Variants in HMX1 observed in about 807,000 individuals in gnomAD.
HMX1 encodes the protein homeobox protein HMX1.
Under a neutral mutation model 8.9 loss-of-function variants are expected in HMX1, and 8 were observed. That is an observed-to-expected ratio of 0.90 (90% CI 0.53 to 1.63). The LOEUF (loss-of-function observed/expected upper bound fraction) is 1.63. HMX1 is among the 40% of genes most tolerant of loss of function. The pLI is 0.00. For missense variants in HMX1, 621 were observed against 558.5 expected (o/e 1.11, Z -1.13); for synonymous variants, 311 against 283.4 (o/e 1.10, Z -0.98).
chr4:8,866,932 GC>G (rs1348399271), downstream of HMX1: 4 of 320,510 alleles, frequency 1.2e-5, no homozygotes, highest in African/African-American at 9.0e-5. Flanking sequence ...CCTGCACCTG[GC>G]CCAGCCCTGG....
At position 8,867,049 on chromosome 4, in the gene HMX1, C is replaced by T. The variant is rs1156802509; in HGVS notation, c.*644G>A. 3.0e-6 allele frequency: 3 copies of T among 983,774 alleles called. No homozygotes were observed. The highest frequency in any genetic ancestry group is 1.7e-5 in the African/African-American group (1 of 57,196). 60.9% of individuals were successfully genotyped at this position (983,774 alleles called of 1,614,324 possible). The stretch of plus-strand genomic sequence containing the variant: ...CGTGATCACAAAGCAGTGAAACTGT[C>T]CAGAAAATGTCCCTTTTTATTCCAT... On this transcript the variant is annotated 3_prime_UTR_variant, in exon 2 of 2. Transcript: ENST00000400677.
intron 1 of HMX1, among the ~76,000 whole-genome samples, chr4:8,852,811 G>A (rs1721495004): frequency 6.6e-6 from 1 of 152,214 alleles, no homozygotes; most frequent in African/African-American, 2.4e-5. Context: ...GGTAGCCAGA[G>A]AAACGAAAGC....
At chr4:8,863,034 C>T (rs368970644), downstream of HMX1, among the ~76,000 whole-genome samples, 3 of 122,478 alleles carry the variant, frequency 2.4e-5, no homozygotes, top group Non-Finnish European at 5.0e-5. Flanking sequence ...GGAGGCCCAG[C>T]GAACGAATTT....
rs1722043537 is a variant in HMX1 at position 8,867,543 on chromosome 4, G to C, written c.*150C>G. Reference sequence around the variant, plus strand: ...GCGCTCCCCACAGAAGCTGAGGCCCGCCCGGCCGCGGCCTGCGCTCCCGAG... The same window carrying C: ...GCGCTCCCCACAGAAGCTGAGGCCCCCCCGGCCGCGGCCTGCGCTCCCGAG... On this transcript the variant is annotated 3_prime_UTR_variant, in exon 2 of 2. Coordinates refer to ENST00000400677, the MANE Select transcript of HMX1 (RefSeq NM_018942.3). 3 of 1,184,690 alleles carry C rather than the reference G, an allele frequency of 2.5e-6. No homozygotes were observed. The highest frequency in any genetic ancestry group is 3.1e-6 in the Non-Finnish European group (3 of 958,078). The allele number at this position is 1,184,690 out of a possible 1,614,324, so 73.4% of individuals were successfully genotyped here.
chr4:8,865,036 G>A (rs10046932), downstream of HMX1, among the ~76,000 whole-genome samples: 5 of 152,276 alleles, frequency 3.3e-5, no homozygotes, highest in East Asian at 3.9e-4. Context: ...CAGAGTGGAC[G>A]ATCTAAAACT....
chr4:8,862,224 G>C (rs1312006161), downstream of HMX1, among the ~76,000 whole-genome samples: 1 of 152,246 alleles, frequency 6.6e-6, no homozygotes, highest in East Asian at 1.9e-4. Context: ...GAACATTCTA[G>C]CTAAGTAGAA....
chr4:8,861,527 C>T (rs1432774993), intron 1 of HMX1, among the ~76,000 whole-genome samples: 2 of 152,170 alleles, frequency 1.3e-5, no homozygotes, highest in African/African-American at 2.4e-5. Context: ...CGCGCGGGAT[C>T]CTCGTGCGCC....
chr4:8,864,071 G>A (rs1003669581), downstream of HMX1, among the ~76,000 whole-genome samples: 1 of 152,236 alleles, frequency 6.6e-6, no homozygotes, highest in Non-Finnish European at 1.5e-5. Flanking sequence ...TATAGTCCCA[G>A]AGCACTGAGA....
Position 8,849,632 on chromosome 4 carries a change from C to T in HMX1, c.395-3308G>A, listed in dbSNP as rs1169220281. ...GCCCCAGGACACTCACGGAGACACA[C>T]GCAGGGCAGCTCTCCTGGGGTCCCC... On this transcript the variant is annotated intron_variant, in intron 1 of 1. Transcript: ENST00000506970. The surrounding 1 kb of genome is among the most constrained non-coding windows in gnomAD (Gnocchi z 6.6). Among the ~76,000 whole-genome samples, 16 of 152,134 alleles carry T rather than the reference C, an allele frequency of 1.1e-4. No individual in the cohort carries two copies. Among genetic ancestry groups the T allele is most frequent in the Admixed American group, 8.5e-4 (13 of 15,286 alleles).
chr4:8,846,885 A>T lies in HMX1; in HGVS notation c.395-561T>A, dbSNP rs548558676. On this transcript the variant is annotated intron_variant, in intron 1 of 1. Coordinates refer to the HMX1 transcript ENST00000506970. The stretch of plus-strand genomic sequence containing the variant: ...CTGAAAATAATTGGCCCTTCCCCTG[A>T]TCTCCAGCATGTTGTTGTTTTAGTG... Among the ~76,000 whole-genome samples the T allele has an allele frequency of 2.6e-5, 4 of 152,236 alleles. No individual in the cohort carries two copies. The South Asian group carries it at 8.3e-4, about 32-fold the overall frequency.
rs953992603 is a variant in HMX1, at chr4:8,871,153, C to T, written c.394+68G>A. ...ACGGGCGGCGACGAGCCCGAAGTCC[C>T]CCAGCAAATGCGCAGGGAGGAAGTC... On this transcript the variant is annotated intron_variant, in intron 1 of 1. Coordinates refer to ENST00000400677, the MANE Select transcript of HMX1 (RefSeq NM_018942.3). This position sits in a 1 kb window ranked among gnomAD's most constrained non-coding sequence, Gnocchi z 4.8. 4 of 1,302,346 alleles carry T rather than the reference C, an allele frequency of 3.1e-6. No homozygotes were observed. In the African/African-American group the frequency reaches 6.4e-5, roughly 21 times the overall value. 80.7% of individuals were successfully genotyped at this position (1,302,346 alleles called of 1,614,324 possible).
At position 8,867,572 on chromosome 4, in the gene HMX1, T is replaced by C. The variant is rs1407799271; in HGVS notation, c.*121A>G. On this transcript the variant is annotated 3_prime_UTR_variant, in exon 2 of 2. Coordinates refer to ENST00000400677, the MANE Select transcript of HMX1 (RefSeq NM_018942.3). ...GGCCGCGGCCTGCGCTCCCGAGGTATCTAGGAGGCCGCAGGAGCGACCATC... is the reference window on the plus strand; with the variant it reads ...GGCCGCGGCCTGCGCTCCCGAGGTACCTAGGAGGCCGCAGGAGCGACCATC... The C allele has an allele frequency of 1.1e-5, 13 of 1,185,556 alleles. No homozygotes were observed. Among genetic ancestry groups the C allele is most frequent in the African/African-American group, 1.6e-5 (1 of 62,380 alleles). 73.4% of individuals were successfully genotyped at this position (1,185,556 alleles called of 1,614,324 possible). A position where few individuals can be genotyped will look rare whatever the true frequency, so the allele number is the denominator to read the frequency against.
Position 8,871,341 on chromosome 4 carries a change from G to C in HMX1, c.274C>G (p.Leu92Val). Residue 92 changes from leucine (L) to valine (V), a missense_variant, in exon 1 of 2, where the codon CTG becomes GTG. Physicochemically the swap from Leu to Val is conservative, Grantham distance 32. Transcript: ENST00000400677. The surrounding 1 kb of genome is among the most constrained non-coding windows in gnomAD (Gnocchi z 4.8). ...GGGGGCGGCCGAGGACCGAGGCCCA[G>C]CGCGCCCGGCCCGAGCAGCGCACGG... is the stretch of plus-strand genomic sequence containing the variant. ...RARALLGPGA[L>V]GLGPRPPPGP... The C allele has an allele frequency of 7.7e-7, 1 of 1,304,978 alleles. No homozygotes were observed. The highest frequency in any genetic ancestry group is 9.7e-7 in the Non-Finnish European group (1 of 1,031,204). The allele number at this position is 1,304,978 out of a possible 1,614,324, so 80.8% of individuals were successfully genotyped here.
At chr4:8,862,369 A>G (rs1027993267), downstream of HMX1, among the ~76,000 whole-genome samples, 1 of 152,236 alleles carries the variant, frequency 6.6e-6, no homozygotes. Context: ...CTTGGTAGTC[A>G]CTTTTTGAAA....
At chr4:8,862,508 T>C (rs1002019675), downstream of HMX1, among the ~76,000 whole-genome samples, 1 of 152,246 alleles carries the variant, frequency 6.6e-6, no homozygotes, top group African/African-American at 2.4e-5. Flanking sequence ...TGGCCTCCTT[T>C]TATTTGTACT....
At chr4:8,869,677 G>C (rs1722145032) in intron 1 of HMX1, among the ~76,000 whole-genome samples, 1 of 152,126 alleles carries the variant, frequency 6.6e-6, no homozygotes, top group Non-Finnish European at 1.5e-5. Context: ...GCAGGTTGTG[G>C]TGCATGCTAC....
At chr4:8,860,914 C>G (rs960851120) in intron 1 of HMX1, 8 of 151,438 alleles carry the variant, frequency 5.3e-5, no homozygotes, top group Non-Finnish European at 1.0e-4. Flanking sequence ...GAAGGCTGAG[C>G]CAGACTTCCA....
intron 1 of HMX1, among the ~76,000 whole-genome samples, chr4:8,846,689 C>T (rs1721287241): frequency 6.6e-6 from 1 of 152,050 alleles, no homozygotes; most frequent in African/African-American, 2.4e-5. Context: ...AAACACCCCA[C>T]ACCCCAAACC....
At chr4:8,861,756 C>G (rs1029916954) in intron 1 of HMX1, among the ~76,000 whole-genome samples, 1 of 152,220 alleles carries the variant, frequency 6.6e-6, no homozygotes, top group Non-Finnish European at 1.5e-5. Flanking sequence ...TCTGTCTGGA[C>G]CCTCAGAGCC....
Sources: gnomAD v4.1 joint callset for allele counts (sites outside exome capture counted in the v4.1 genomes callset) on GRCh38, gnomAD v4.1.1 for gene constraint, Gnocchi (gnomAD v3.1) non-coding constraint, MANE v1.5 for transcripts, NCBI Gene and HGNC (gene_info 2026-07-23, HGNC 2026-07-21) for gene names.